The following SNTB2 variants were observed in gnomAD, a reference collection of about 807,000 sequenced individuals.
SNTB2 encodes the protein beta-2-syntrophin.
A neutral mutation model predicts 46.2 loss-of-function variants in SNTB2; 34 were observed. The observed-to-expected ratio is 0.74, with a 90% confidence interval of 0.56 to 0.98. The LOEUF (loss-of-function observed/expected upper bound fraction) is 0.98. Among genes scored for constraint, SNTB2 ranks in the 50% least tolerant of loss-of-function variants. The probability of loss-of-function intolerance (pLI) is 0.00; values close to 1 mark genes in which losing one functional copy is unlikely to be tolerated. For synonymous variants in SNTB2, 290 were observed against 312.6 expected (o/e 0.93, Z 0.76); for missense variants, 603 against 731.4 (o/e 0.82, Z 2.02).
chr16:69,305,447 C>T lies in SNTB2; in HGVS notation c.*4523C>T, dbSNP rs767414604. On this transcript the variant is annotated 3_prime_UTR_variant, in exon 7 of 7. Transcript: ENST00000336278. ...GCATACATTTCCATGTGGCTGCCAT[C>T]GGCTGTTGATGCCATGAATGAAATG... The T allele has an allele frequency of 5.3e-5, 8 of 152,176 alleles. No individual in the cohort carries two copies. Among genetic ancestry groups the T allele is most frequent in the Non-Finnish European group, 1.2e-4 (8 of 68,040 alleles). The allele number at this position is 152,176 out of a possible 1,614,324, so 9.4% of individuals were successfully genotyped here.
chr16:69,275,304 A>G (rs532493071), intron 4 of SNTB2, among the ~76,000 whole-genome samples: 2 of 152,266 alleles, frequency 1.3e-5, no homozygotes, highest in Admixed American at 1.3e-4. Flanking sequence ...GGCTCAAACA[A>G]TTCTCATGCC....
At chr16:69,266,795 C>T (rs1447691938) in intron 3 of SNTB2, among the ~76,000 whole-genome samples, 1 of 152,176 alleles carries the variant, frequency 6.6e-6, no homozygotes, top group Non-Finnish European at 1.5e-5. Context: ...CAGCTCACTG[C>T]AACTTCCACC....
intron 2 of SNTB2, among the ~76,000 whole-genome samples, chr16:69,246,114 ATGT>A (rs1025459562): frequency 2.6e-5 from 4 of 152,118 alleles, no homozygotes; most frequent in African/African-American, 4.8e-5. Flanking sequence ...TCTTTCTGTA[ATGT>A]TGTTATTACT....
At chr16:69,278,238 C>G (rs997863039) in intron 4 of SNTB2, among the ~76,000 whole-genome samples, 2 of 151,970 alleles carry the variant, frequency 1.3e-5, no homozygotes, top group Non-Finnish European at 2.9e-5. Context: ...ATTGTTTGAG[C>G]TGGGTAGGTG....
intron 1 of SNTB2, among the ~76,000 whole-genome samples, chr16:69,214,129 T>G (rs917271541): frequency 6.9e-6 from 1 of 145,638 alleles, no homozygotes; most frequent in South Asian, 2.2e-4. Flanking sequence ...AGCCTTTTAT[T>G]TTTTTTTTTT....
At chr16:69,284,388 C>G (rs1965079561) in intron 5 of SNTB2, 144 bp downstream of exon 5, 10 of 468,940 alleles carry the variant, frequency 2.1e-5, no homozygotes, top group Non-Finnish European at 3.0e-5. Flanking sequence ...TTTTACTATA[C>G]CTTTTCTAAG....
chr16:69,257,761 G>A (rs113547847), intron 2 of SNTB2, among the ~76,000 whole-genome samples: 2 of 152,190 alleles, frequency 1.3e-5, no homozygotes, highest in African/African-American at 4.8e-5. Context: ...CTTATTTTAT[G>A]TCTTCTATTT....
At position 69,307,802 on chromosome 16, in the gene SNTB2, A is replaced by C. The variant is rs947589094; in HGVS notation, c.*6878A>C. The C allele has an allele frequency of 8.5e-5, 13 of 152,264 alleles. No homozygotes were observed. The East Asian group carries it at 9.6e-4, about 11-fold the overall frequency. The allele number at this position is 152,264 out of a possible 1,614,324, so 9.4% of individuals were successfully genotyped here. A position where few individuals can be genotyped will look rare whatever the true frequency, so the allele number is the denominator to read the frequency against. On this transcript the variant is annotated 3_prime_UTR_variant, in exon 7 of 7. Transcript: ENST00000336278. ...TCCATTTAAAAAATTAAAAAAAAAA[A>C]AAAAACTTTTAACATTTAAAAAATA...
intron 1 of SNTB2, among the ~76,000 whole-genome samples, chr16:69,208,869 C>A (rs1964251074): frequency 6.6e-6 from 1 of 151,856 alleles, no homozygotes; most frequent in Non-Finnish European, 1.5e-5. Context: ...GTACGAGAAC[C>A]AGAAATATAC....
Position 69,187,752 on chromosome 16 carries a change from C to A in SNTB2, c.580+6C>A. 1 of 249,168 alleles carries A rather than the reference C, an allele frequency of 4.0e-6. No individual in the cohort carries two copies. Among genetic ancestry groups the A allele is most frequent in the Non-Finnish European group, 7.0e-6 (1 of 143,444 alleles). 15.4% of individuals were successfully genotyped at this position (249,168 alleles called of 1,614,324 possible). On this transcript the variant is annotated splice_donor_region_variant and intron_variant, in intron 1 of 6. Transcript: ENST00000336278. Reference sequence around the variant, plus strand: ...CAAGGAGGTGCTGCTGGAGGGTGAGCGGGGCCGGGCGGGAGGGTGGGCAGG... The same window carrying A: ...CAAGGAGGTGCTGCTGGAGGGTGAGAGGGGCCGGGCGGGAGGGTGGGCAGG...
intron 1 of SNTB2, among the ~76,000 whole-genome samples, chr16:69,232,619 C>G (rs989096356): frequency 7.0e-6 from 1 of 142,430 alleles, no homozygotes; most frequent in Non-Finnish European, 1.5e-5. Flanking sequence ...TCAAGCGATT[C>G]TCTTGCCTCA....
At chr16:69,207,166 T>C (rs1448560844) in intron 1 of SNTB2, among the ~76,000 whole-genome samples, 1 of 150,124 alleles carries the variant, frequency 6.7e-6, no homozygotes, top group African/African-American at 2.4e-5. Context: ...TTTTTTTTTT[T>C]TTTTGAGAGA....
intron 2 of SNTB2, among the ~76,000 whole-genome samples, chr16:69,255,344 C>T (rs749543788): frequency 6.6e-5 from 10 of 151,766 alleles, no homozygotes; most frequent in East Asian, 1.9e-4. Context: ...GGGCGGATCA[C>T]GAGGTCAGGA....
rs374119338 is a variant in SNTB2, at chr16:69,201,120, G to A, written c.580+13374G>A. 8.5e-5 allele frequency among the ~76,000 whole-genome samples: 13 copies of A among 152,306 alleles called. No individual in the cohort carries two copies. In the South Asian group the frequency reaches 2.7e-3, roughly 32 times the overall value. On this transcript the variant is annotated intron_variant, in intron 1 of 6. Transcript: ENST00000336278. ...AGCAGAACATTCAGGAAAGCCATAG[G>A]AAAACAGCATCCTGGCTTAAAAGTT...
chr16:69,243,888 A>AT (rs1451010460), intron 1 of SNTB2, among the ~76,000 whole-genome samples: 1 of 150,676 alleles, frequency 6.6e-6, no homozygotes, highest in African/African-American at 2.5e-5. Flanking sequence ...GAATTGTTAT[A>AT]TTTTTTATTA....
At chr16:69,216,044 G>A (rs1247269334) in intron 1 of SNTB2, among the ~76,000 whole-genome samples, 4 of 152,166 alleles carry the variant, frequency 2.6e-5, no homozygotes, top group Admixed American at 2.6e-4. Context: ...CTGAACTTCT[G>A]GGCTCAAGCC....
At chr16:69,236,120 G>C (rs1964558229) in intron 1 of SNTB2, among the ~76,000 whole-genome samples, 2 of 152,222 alleles carry the variant, frequency 1.3e-5, no homozygotes, top group Non-Finnish European at 2.9e-5. Context: ...GTGGTGGCCT[G>C]TGGTTATGCT....
chr16:69,281,905 CTT>C (rs776664092), intron 4 of SNTB2, among the ~76,000 whole-genome samples: 12 of 125,288 alleles, frequency 9.6e-5, no homozygotes, highest in Non-Finnish European at 5.0e-5. Context: ...TTGTTTCTCT[CTT>C]TTTTTTTTTT....
chr16:69,257,602 C>G (rs982685144), intron 2 of SNTB2, among the ~76,000 whole-genome samples: 2 of 151,978 alleles, frequency 1.3e-5, no homozygotes, highest in Non-Finnish European at 2.9e-5. Context: ...CCCACCACCA[C>G]GCCCGGCTAA....
Sources: gnomAD v4.1 joint callset for allele counts (sites outside exome capture counted in the v4.1 genomes callset) on GRCh38, gnomAD v4.1.1 for gene constraint, MANE v1.5 for transcripts, NCBI Gene and HGNC (gene_info 2026-07-23, HGNC 2026-07-21) for gene names.